The following ITPR1 variants were observed in gnomAD, a reference collection of about 807,000 sequenced individuals.
ITPR1 encodes inositol 1,4,5-trisphosphate receptor type 1.
Under a neutral mutation model 318.4 loss-of-function variants are expected in ITPR1, and 96 were observed. The ratio of observed to expected loss-of-function variants is 0.30; its 90% CI spans 0.26 to 0.36. The LOEUF (loss-of-function observed/expected upper bound fraction) is 0.36. ITPR1 is among the 10% of genes least tolerant of loss of function. The pLI, the probability that ITPR1 is intolerant of heterozygous loss-of-function variation, is 1.00. For synonymous variants in ITPR1, 1,312 were observed against 1,289.9 expected (o/e 1.02, Z -0.37); for missense variants, 2,440 against 3,460.2 (o/e 0.71, Z 7.40).
At chr3:4,578,063 C>A (rs1256204549) in intron 4 of ITPR1, among the ~76,000 whole-genome samples, 5 of 152,178 alleles carry the variant, frequency 3.3e-5, no homozygotes, top group Non-Finnish European at 5.9e-5. Context: ...GAAATATTAG[C>A]CCTTCCAGCT....
chr3:4,835,140 C>G (rs1452467793), intron 60 of ITPR1, among the ~76,000 whole-genome samples: 2 of 143,060 alleles, frequency 1.4e-5, no homozygotes, highest in Non-Finnish European at 3.0e-5. Flanking sequence ...GTATCTTAAG[C>G]AAACACTCTA....
In ITPR1 at chr3:4,697,262, A is replaced by G. The variant is rs543472464; in HGVS notation, c.4397A>G (p.Asp1466Gly). ...AAATTGTTTGAGAATTTCCTTGTAG[A>G]CATCTGCAGGGTAAGGCTTTTGGAA... is the stretch of plus-strand genomic sequence containing the variant. ...MWKLFENFLV[D>G]ICRACNNTSD... Residue 1466 changes from aspartate (D) to glycine (G), a missense_variant, in exon 34 of 62, where the codon GAC becomes GGC. Physicochemically the swap from Asp to Gly is moderately conservative, Grantham distance 94. Transcript: ENST00000649015. 2 of 1,556,846 alleles carry G rather than the reference A, an allele frequency of 1.3e-6. No homozygotes were observed. Among genetic ancestry groups the G allele is most frequent in the East Asian group, 2.4e-5 (1 of 41,614 alleles).
intron 4 of ITPR1, among the ~76,000 whole-genome samples, chr3:4,623,262 G>A (rs977358240): frequency 6.6e-6 from 1 of 152,174 alleles, no homozygotes; most frequent in Non-Finnish European, 1.5e-5. Flanking sequence ...CCTGTGGCCT[G>A]TTCTGTCTGG....
chr3:4,621,771 C>T (rs568991424), intron 4 of ITPR1, among the ~76,000 whole-genome samples: 21 of 152,338 alleles, frequency 1.4e-4, no homozygotes, highest in African/African-American at 5.1e-4. Context: ...CAGTTTTCTT[C>T]CAGCTCAGGG....
In ITPR1 at chr3:4,800,804, G is replaced by T. The variant is rs2291861; in HGVS notation, c.7107+204G>T. On this transcript the variant is annotated intron_variant, in intron 54 of 61. Coordinates refer to ENST00000649015, the MANE Select transcript of ITPR1 (RefSeq NM_001378452.1). ...GCGTGGTGCAGTGAGCCTTGTAATG[G>T]ATCCCTTGGGCATCAGCACTTTCAC... 0.56 allele frequency among the ~76,000 whole-genome samples: 85,181 copies of T among 152,074 alleles called. 24,344 individuals are homozygous for T. Among genetic ancestry groups the T allele is most frequent in the Non-Finnish European group, 0.62 (42,210 of 67,976 alleles).
Position 4,814,866 on chromosome 3 carries a change from A to C in ITPR1, c.7702-187A>C. 4.8e-6 allele frequency: 3 copies of C among 621,026 alleles called. No individual in the cohort carries two copies. In the South Asian group the frequency reaches 6.4e-5, roughly 13 times the overall value. The allele number at this position is 621,026 out of a possible 1,614,324, so 38.5% of individuals were successfully genotyped here. ...TGAATATCCCTCCTGGCTGTGTCAC[A>C]CCACACTTGGAGAAGTCGCAATTGA... On this transcript the variant is annotated intron_variant, in intron 58 of 61. Transcript: ENST00000649015.
chr3:4,770,256 G>T (rs867279526), intron 46 of ITPR1, among the ~76,000 whole-genome samples: 4 of 152,280 alleles, frequency 2.6e-5, no homozygotes, highest in East Asian at 1.9e-4. Flanking sequence ...TGGTACTGCC[G>T]CAGTGAATTG....
chr3:4,768,496 A>C lies in ITPR1; in HGVS notation c.5726-15A>C. 6.3e-7 allele frequency: 1 copy of C among 1,595,910 alleles called. No homozygotes were observed. Among genetic ancestry groups the C allele is most frequent in the Non-Finnish European group, 8.6e-7 (1 of 1,168,582 alleles). On this transcript the variant is annotated splice_polypyrimidine_tract_variant and intron_variant, in intron 45 of 61. Transcript: ENST00000649015. Reference sequence around the variant, plus strand: ...AGGACTCTGCAGCCTTTCATGCCTTATGCTTGCTTTCTAGCTAAAGAGCCC... The same window carrying C: ...AGGACTCTGCAGCCTTTCATGCCTTCTGCTTGCTTTCTAGCTAAAGAGCCC...
intron 4 of ITPR1, among the ~76,000 whole-genome samples, chr3:4,526,885 A>G (rs2083023674): frequency 6.6e-6 from 1 of 152,246 alleles, no homozygotes; most frequent in Non-Finnish European, 1.5e-5. Flanking sequence ...AAAATCTTTA[A>G]GAAACTTCTT....
At position 4,710,228 on chromosome 3, in the gene ITPR1, C is replaced by G. The variant is rs1314173827; in HGVS notation, c.4843-97C>G. ...ACTAAAGTTACTCTAACCTAGCCTA[C>G]CCGTGCATCAGTGTTTTAGGGCAGA... On this transcript the variant is annotated intron_variant, in intron 37 of 61. Transcript: ENST00000649015. This position sits in a 1 kb window ranked among gnomAD's most constrained non-coding sequence, Gnocchi z 4.2. The G allele has an allele frequency of 2.5e-5, 30 of 1,182,880 alleles. No individual in the cohort carries two copies. Among genetic ancestry groups the G allele is most frequent in the Non-Finnish European group, 3.3e-5 (29 of 886,790 alleles). The allele number at this position is 1,182,880 out of a possible 1,614,324, so 73.3% of individuals were successfully genotyped here. A position where few individuals can be genotyped will look rare whatever the true frequency, so the allele number is the denominator to read the frequency against.
At chr3:4,747,194 A>G (rs2044170948) in intron 44 of ITPR1, among the ~76,000 whole-genome samples, 2 of 152,178 alleles carry the variant, frequency 1.3e-5, no homozygotes, top group African/African-American at 4.8e-5. Context: ...AGTAGTGGTA[A>G]CAAGTGCTCA....
At chr3:4,836,548 A>C (rs1005298207) in intron 60 of ITPR1, among the ~76,000 whole-genome samples, 1 of 152,144 alleles carries the variant, frequency 6.6e-6, no homozygotes, top group African/African-American at 2.4e-5. Context: ...CCCTATATTT[A>C]AATTTAAAGT....
chr3:4,543,077 T>C (rs554222793), intron 4 of ITPR1, among the ~76,000 whole-genome samples: 2 of 152,258 alleles, frequency 1.3e-5, no homozygotes, highest in South Asian at 2.1e-4. Context: ...TTTACAGTTA[T>C]AATCATTGGA....
rs2306879 is a variant in ITPR1, at chr3:4,684,003, A to G, written c.3498+205A>G. On this transcript the variant is annotated intron_variant, in intron 28 of 61. Coordinates refer to ENST00000649015, the MANE Select transcript of ITPR1 (RefSeq NM_001378452.1). ...TATGTCTCCTGTGCAGCCTTGGACC[A>G]TGTAGAAGAGACTGCGATATTGAGT... Among the ~76,000 whole-genome samples the G allele has an allele frequency of 0.38, 57,173 of 152,024 alleles. 10,831 individuals carry two copies. Among genetic ancestry groups the G allele is most frequent in the South Asian group, 0.56 (2,686 of 4,818 alleles).
intron 4 of ITPR1, among the ~76,000 whole-genome samples, chr3:4,592,528 G>C: frequency 6.6e-6 from 1 of 152,016 alleles, no homozygotes; most frequent in Non-Finnish European, 1.5e-5. Flanking sequence ...ACAGGAATTA[G>C]TTGGCTCCCA....
At chr3:4,528,444 C>T (rs914454645) in intron 4 of ITPR1, among the ~76,000 whole-genome samples, 4 of 152,106 alleles carry the variant, frequency 2.6e-5, no homozygotes, top group African/African-American at 7.2e-5. Context: ...ACAAACTCAC[C>T]GGCTTAGCTT....
intron 4 of ITPR1, among the ~76,000 whole-genome samples, chr3:4,620,247 C>T (rs879401838): frequency 5.9e-5 from 9 of 152,182 alleles, no homozygotes; most frequent in Non-Finnish European, 8.8e-5. Context: ...TATTTCTCCT[C>T]CTCAGTTTTA....
Position 4,670,947 on chromosome 3 carries a change from G to A in ITPR1, c.2204+21G>A, listed in dbSNP as rs74354676. The A allele has an allele frequency of 1.8e-4, 277 of 1,501,574 alleles. 3 individuals are homozygous for A. The East Asian group carries it at 6.3e-3, about 34-fold the overall frequency. 93.0% of individuals were successfully genotyped at this position (1,501,574 alleles called of 1,614,324 possible). On this transcript the variant is annotated intron_variant, in intron 20 of 61. Transcript: ENST00000649015. ...TACAGGTGCGTGGGACACGTGTGGG[G>A]CTCAGATTGGGGTGCCCCAAAACAG...
At chr3:4,843,847 G>C (rs1360841409) in intron 61 of ITPR1, among the ~76,000 whole-genome samples, 2 of 152,188 alleles carry the variant, frequency 1.3e-5, no homozygotes. Flanking sequence ...ACCAACTGAA[G>C]ACTCCTTTGT....
Sources: allele counts gnomAD v4.1 joint callset (sites outside exome capture counted in the v4.1 genomes callset), GRCh38; gene constraint gnomAD v4.1.1; non-coding constraint Gnocchi (gnomAD v3.1); transcripts MANE v1.5; gene names NCBI Gene and HGNC (gene_info 2026-07-23, HGNC 2026-07-21).